ADRA1B: variants seen among roughly 807,000 people sequenced by gnomAD.
ADRA1B encodes alpha-1B adrenergic receptor.
In ADRA1B, 17 loss-of-function variants were observed where a neutral mutation model predicts 17.9. The observed-to-expected ratio is 0.95, with a 90% CI of 0.65 to 1.42. The LOEUF is 1.42. Among genes scored for constraint, ADRA1B ranks in the 40% most tolerant of loss-of-function variants. The pLI, the probability that ADRA1B is intolerant of heterozygous loss-of-function variation, is 0.00. For missense variants in ADRA1B, 681 were observed against 722.1 expected, an observed-to-expected ratio of 0.94 and a Z score of 0.65; for synonymous variants, 366 against 327.6, an observed-to-expected ratio of 1.12 and a Z score of -1.27.
intron 1 of ADRA1B, among the ~76,000 whole-genome samples, chr5:159,947,224 C>T (rs1007369330): frequency 1.8e-4 from 27 of 151,972 alleles, no homozygotes; most frequent in Admixed American, 1.6e-3. Flanking sequence ...GCCTGTAATC[C>T]CAGCTAGTCC....
intron 1 of ADRA1B, among the ~76,000 whole-genome samples, chr5:159,920,081 C>T (rs533437785): frequency 7.9e-5 from 12 of 152,228 alleles, no homozygotes; most frequent in African/African-American, 2.6e-4. Context: ...CTGCCTGGGC[C>T]GAACCCCCAG....
intron 1 of ADRA1B, among the ~76,000 whole-genome samples, chr5:159,952,186 A>G (rs1011375705): frequency 9.2e-5 from 14 of 152,140 alleles, no homozygotes; most frequent in African/African-American, 3.4e-4. Context: ...ATGTTTCAAG[A>G]ACCCCAGTGG....
In ADRA1B at chr5:159,967,354, G is replaced by A. The variant is rs529329874; in HGVS notation, c.950-4525G>A. 7.4e-4 allele frequency among the ~76,000 whole-genome samples: 112 copies of A among 152,248 alleles called. No individual in the cohort carries two copies. The South Asian group carries it at 0.016, about 22-fold the overall frequency. On this transcript the variant is annotated intron_variant, in intron 1 of 1. Transcript: ENST00000306675. Reference sequence around the variant, plus strand: ...ATGATCTGCTTGTATGAATTCTATGGGGTACAGAATAAATAAGTCCATCTG... The same window carrying A: ...ATGATCTGCTTGTATGAATTCTATGAGGTACAGAATAAATAAGTCCATCTG...
intron 1 of ADRA1B, among the ~76,000 whole-genome samples, chr5:159,890,590 G>T (rs144168480): frequency 2.7e-3 from 412 of 152,250 alleles, no homozygotes; most frequent in East Asian, 0.015. Context: ...CATATGTCTG[G>T]CTGTTGATGC....
chr5:159,879,647 A>G (rs113881279), intron 1 of ADRA1B, among the ~76,000 whole-genome samples: 2,623 of 152,304 alleles, frequency 0.017, 69 homozygotes, highest in African/African-American at 0.06. Context: ...ACGCATATGC[A>G]TGCGTGTGTG....
chr5:159,926,408 C>G (rs951133372), intron 1 of ADRA1B, among the ~76,000 whole-genome samples: 1 of 152,174 alleles, frequency 6.6e-6, no homozygotes, highest in African/African-American at 2.4e-5. Flanking sequence ...TGCCAGGCTG[C>G]AAACCTTTGC....
chr5:159,881,090 C>A (rs933910477), intron 1 of ADRA1B, among the ~76,000 whole-genome samples: 2 of 145,980 alleles, frequency 1.4e-5, no homozygotes. Context: ...AGGAGAATGG[C>A]GTGAACCCAG....
chr5:159,929,452 AT>A (rs113859197), intron 1 of ADRA1B, among the ~76,000 whole-genome samples: 6,114 of 140,032 alleles, frequency 0.044, 134 homozygotes, highest in Middle Eastern at 0.056. Flanking sequence ...TGGTTTTTGT[AT>A]TTTTTTTTTT....
chr5:159,885,689 T>C (rs867260373), intron 1 of ADRA1B, among the ~76,000 whole-genome samples: 12 of 152,324 alleles, frequency 7.9e-5, no homozygotes, highest in African/African-American at 2.6e-4. Context: ...TTAACCAACC[T>C]TGAAGACATC....
At chr5:159,987,459 A>G in the ADRA1B span, among the ~76,000 whole-genome samples, 3 of 152,140 alleles carry the variant, frequency 2.0e-5, no homozygotes, top group Non-Finnish European at 2.9e-5. Flanking sequence ...CTCTTTAGAC[A>G]CTGCAGTGAC....
chr5:159,924,509 A>ATG (rs1754587341), intron 1 of ADRA1B, among the ~76,000 whole-genome samples: 1 of 152,152 alleles, frequency 6.6e-6, no homozygotes, highest in Non-Finnish European at 1.5e-5. Flanking sequence ...GGCTGGGTGA[A>ATG]TGAGTTAGCC....
At chr5:159,918,957 G>A (rs140163984) in intron 1 of ADRA1B, among the ~76,000 whole-genome samples, 26 of 150,942 alleles carry the variant, frequency 1.7e-4, no homozygotes, top group African/African-American at 5.6e-4. Flanking sequence ...GCTATACTGC[G>A]GACCACATAT....
chr5:159,985,579 C>G, the ADRA1B span, among the ~76,000 whole-genome samples: 2 of 152,228 alleles, frequency 1.3e-5, no homozygotes, highest in African/African-American at 4.8e-5. Flanking sequence ...GACATTGTAC[C>G]AACAGCTTGA....
At chr5:159,969,162 ACCTAGAAAGTAGCCCACTG>A (rs563663277) in intron 1 of ADRA1B, among the ~76,000 whole-genome samples, 40 of 152,246 alleles carry the variant, frequency 2.6e-4, no homozygotes, top group African/African-American at 8.4e-4. Flanking sequence ...CCTCGACCAA[ACCTAGAAAGTAGCCCACTG>A]CCTCATTTCC....
At chr5:159,938,771 C>A (rs1450646736) in intron 1 of ADRA1B, among the ~76,000 whole-genome samples, 1 of 152,212 alleles carries the variant, frequency 6.6e-6, no homozygotes, top group Non-Finnish European at 1.5e-5. Context: ...AAGCTGCTTG[C>A]GAGGTCCTAA....
At chr5:159,911,266 C>T (rs922955190) in intron 1 of ADRA1B, among the ~76,000 whole-genome samples, 14 of 152,192 alleles carry the variant, frequency 9.2e-5, no homozygotes, top group African/African-American at 2.9e-4. Context: ...TCCCCTTCAC[C>T]CTCGATTCTG....
intron 1 of ADRA1B, among the ~76,000 whole-genome samples, chr5:159,899,243 G>GAAGGAAGGAAGGAAGGAAGAAAGA (rs1754069785): frequency 1.4e-5 from 2 of 142,520 alleles, no homozygotes; most frequent in Non-Finnish European, 3.1e-5. Context: ...AGGGAGGGAG[G>GAAGGAAGGAAGGAAGGAAGAAAGA]AAGGAAGGAA....
At chr5:159,951,862 T>G (rs572201349) in intron 1 of ADRA1B, among the ~76,000 whole-genome samples, 3 of 152,184 alleles carry the variant, frequency 2.0e-5, no homozygotes, top group Non-Finnish European at 2.9e-5. Context: ...CTTTGCTCTG[T>G]CCTCTCACTT....
intron 1 of ADRA1B, chr5:159,950,456 C>T: frequency 9.0e-7 from 1 of 1,106,902 alleles, no homozygotes; most frequent in African/African-American, 1.5e-5. Context: ...TTCTCGCTTC[C>T]TCTCATGCTC....
Sources: allele counts gnomAD v4.1 joint callset (sites outside exome capture counted in the v4.1 genomes callset), GRCh38; gene constraint gnomAD v4.1.1; transcripts MANE v1.5; gene names NCBI Gene and HGNC (gene_info 2026-07-23, HGNC 2026-07-21).